Variants in ZNF143 observed in about 807,000 individuals in gnomAD.
The protein encoded by ZNF143 is zinc finger protein 143, also known as SPH-binding factor.
In ZNF143, 49 loss-of-function variants were observed where a neutral mutation model predicts 74.1. The ratio of observed to expected loss-of-function variants is 0.66; its 90% confidence interval spans 0.53 to 0.84. ZNF143 has a LOEUF of 0.84. Among genes scored for constraint, ZNF143 ranks in the 40% least tolerant of loss-of-function variants. The pLI is 0.00. For synonymous variants in ZNF143, 304 were observed against 282.8 expected (o/e 1.07, Z -0.75); for missense variants, 637 against 793.4 (o/e 0.80, Z 2.37).
chr11:9,467,109 C>G (rs973217497), intron 1 of ZNF143, among the ~76,000 whole-genome samples: 15 of 151,970 alleles, frequency 9.9e-5, no homozygotes, highest in South Asian at 2.1e-4. Flanking sequence ...AGCCAGGATG[C>G]TCTCAATCTC....
At chr11:9,515,117 A>G (rs1440155425) in intron 13 of ZNF143, among the ~76,000 whole-genome samples, 1 of 151,692 alleles carries the variant, frequency 6.6e-6, no homozygotes, top group Non-Finnish European at 1.5e-5. Context: ...AACAAGAGTG[A>G]AACTCCTCAA....
intron 2 of ZNF143, 89 bp from the exon 3 acceptor site, chr11:9,472,588 C>A (rs1661439030): frequency 7.0e-6 from 8 of 1,135,994 alleles, no homozygotes; most frequent in Non-Finnish European, 9.0e-6. Context: ...AAGCAGTTTA[C>A]CTTTTTTCTG....
Position 9,525,260 on chromosome 11 carries a change from C to T in ZNF143, c.1707C>T (p.Asp569=), listed in dbSNP as rs754914009. 6.2e-7 allele frequency: 1 copy of T among 1,614,186 alleles called. No individual in the cohort carries two copies. The highest frequency in any genetic ancestry group is 1.1e-5 in the South Asian group (1 of 91,084). ...TTAAGGTTGCAATTGTAGCTCAAGA[C>T]TTGGCAGCATTCCATACTGCCTCAT... ...EGEQVAIVAQ[D]LAAFHTASSE... is the part of the protein sequence containing the mutation. Residue 569 remains aspartate, a synonymous_variant, in exon 15 of 16, where the codon GAC becomes GAT. Transcript: ENST00000396602.
rs1412089929 is a variant in ZNF143 at position 9,505,030 on chromosome 11, A to G, written c.1148-3589A>G. Among the ~76,000 whole-genome samples the G allele has an allele frequency of 5.8e-5, 6 of 103,518 alleles. 1 individual carries two copies. The South Asian group carries it at 1.6e-3, about 28-fold the overall frequency. The allele number at this position is 103,518 out of a possible 152,430, so 67.9% of individuals were successfully genotyped here. The stretch of plus-strand genomic sequence containing the variant: ...GCCCTGTCACCCAGGCTGGAGTGCA[A>G]TGGCACGATCTAGGCTCACTGCAAC... On this transcript the variant is annotated intron_variant, in intron 11 of 15. Coordinates refer to ENST00000396602, the MANE Select transcript of ZNF143 (RefSeq NM_003442.6).
intron 13 of ZNF143, among the ~76,000 whole-genome samples, chr11:9,514,270 A>G (rs1027433145): frequency 1.5e-4 from 23 of 152,216 alleles, no homozygotes; most frequent in African/African-American, 5.3e-4. Context: ...AATAAGTCTT[A>G]TCCTTCTTCA....
chr11:9,495,643 C>T (rs2134053989), intron 8 of ZNF143, among the ~76,000 whole-genome samples: 1 of 152,332 alleles, frequency 6.6e-6, no homozygotes, highest in Middle Eastern at 3.4e-3. Flanking sequence ...TGTTAGTTGA[C>T]CTCTTAGTAC....
chr11:9,490,654 GA>G (rs368385197), intron 7 of ZNF143, among the ~76,000 whole-genome samples: 5,582 of 149,806 alleles, frequency 0.037, 315 homozygotes, highest in African/African-American at 0.12. Flanking sequence ...TATAATACAT[GA>G]AAAAAAAATG....
chr11:9,480,270 G>T (rs572756022), intron 7 of ZNF143, among the ~76,000 whole-genome samples: 2 of 152,206 alleles, frequency 1.3e-5, no homozygotes, highest in Non-Finnish European at 2.9e-5. Context: ...TTGTTTTTGT[G>T]TTGGGATGTT....
At chr11:9,505,322 T>C (rs1848324043) in intron 11 of ZNF143, among the ~76,000 whole-genome samples, 1 of 150,254 alleles carries the variant, frequency 6.7e-6, no homozygotes, top group Non-Finnish European at 1.5e-5. Context: ...CAGGCTGGAG[T>C]GCAGTGTCGT....
At chr11:9,512,333 G>C (rs1848578779) in intron 12 of ZNF143, 115 bp from the exon 13 acceptor site, 1 of 1,357,490 alleles carries the variant, frequency 7.4e-7, no homozygotes, top group African/African-American at 1.5e-5. Context: ...TCGTGACTTA[G>C]AATATAATAC....
chr11:9,477,240 T>TCCC (rs1856984512), intron 5 of ZNF143, among the ~76,000 whole-genome samples: 2 of 127,290 alleles, frequency 1.6e-5, no homozygotes, highest in African/African-American at 5.8e-5. Context: ...CTTCCTTCCC[T>TCCC]TCCTTCCCTT....
chr11:9,497,284 G>A (rs530503218), intron 9 of ZNF143, among the ~76,000 whole-genome samples: 10 of 152,272 alleles, frequency 6.6e-5, no homozygotes, highest in Admixed American at 5.9e-4. Context: ...AGCCTGGAGT[G>A]CAGTGACGTG....
chr11:9,508,550 G>T (rs181011751), intron 11 of ZNF143, 69 bp from the exon 12 acceptor site: 10 of 1,432,362 alleles, frequency 7.0e-6, no homozygotes, highest in Middle Eastern at 2.1e-4. Flanking sequence ...TTACCCCCTG[G>T]GGGGGAAGTA....
intron 5 of ZNF143, among the ~76,000 whole-genome samples, chr11:9,477,174 CT>C (rs1364756277): frequency 3.7e-4 from 49 of 131,886 alleles, no homozygotes; most frequent in African/African-American, 9.1e-4. Flanking sequence ...TTCCTTCCTC[CT>C]CTCCCTTCCC....
chr11:9,497,186 A>G (rs1207421385), intron 9 of ZNF143, among the ~76,000 whole-genome samples: 3 of 152,188 alleles, frequency 2.0e-5, no homozygotes, highest in Non-Finnish European at 2.9e-5. Flanking sequence ...AAATGAAACT[A>G]TTGAATTTTC....
chr11:9,478,383 C>A lies in ZNF143; in HGVS notation c.374-7C>A. 1 of 1,604,580 alleles carries A rather than the reference C, an allele frequency of 6.2e-7. No individual in the cohort carries two copies. Among genetic ancestry groups the A allele is most frequent in the Non-Finnish European group, 8.5e-7 (1 of 1,171,940 alleles). On this transcript the variant is annotated splice_region_variant and splice_polypyrimidine_tract_variant and intron_variant, in intron 5 of 15. Transcript: ENST00000396602. ...TAATTTAATGGCATTCTCTTCCACT[C>A]TCTCAGATAGTTATGACCAGAGTGC...
chr11:9,497,900 G>A, intron 10 of ZNF143, 100 bp downstream of exon 10: 1 of 915,076 alleles, frequency 1.1e-6, no homozygotes, highest in Non-Finnish European at 1.5e-6. Context: ...GTGCAATCTT[G>A]GCTCACTGCA....
chr11:9,515,547 G>A (rs1848692417), intron 13 of ZNF143, among the ~76,000 whole-genome samples: 1 of 151,884 alleles, frequency 6.6e-6, no homozygotes, highest in Admixed American at 6.6e-5. Flanking sequence ...TCAGCTACTT[G>A]GGAGGCTGAG....
chr11:9,470,322 A>C (rs561725842), intron 1 of ZNF143, among the ~76,000 whole-genome samples: 2 of 152,330 alleles, frequency 1.3e-5, no homozygotes, highest in African/African-American at 4.8e-5. Flanking sequence ...TTCTCATGGA[A>C]GGGGAAATAG....
Sources: gnomAD v4.1 joint callset for allele counts (sites outside exome capture counted in the v4.1 genomes callset) on GRCh38, gnomAD v4.1.1 for gene constraint, MANE v1.5 for transcripts, NCBI Gene and HGNC (gene_info 2026-07-23, HGNC 2026-07-21) for gene names.